Variants in DECR1 observed in about 807,000 individuals in gnomAD.
DECR1 encodes 2,4-dienoyl-CoA reductase [(3E)-enoyl-CoA-producing], mitochondrial.
DECR1 carries 44 observed loss-of-function variants against 38.8 expected under a neutral mutation model. That is an observed-to-expected ratio of 1.13 (90% CI 0.89 to 1.46). DECR1 has a LOEUF of 1.46. Ranked by LOEUF, DECR1 falls within the 40% of genes most tolerant of loss-of-function variation. DECR1 has a pLI of 0.00. For missense variants in DECR1, 428 were observed against 405.5 expected (o/e 1.06, Z -0.48); for synonymous variants, 148 against 135.2 (o/e 1.09, Z -0.66).
At position 90,034,426 on chromosome 8, in the gene DECR1, GTTTA is replaced by G. The variant is rs200975812; in HGVS notation, c.566-2403_566-2400del. ...AGATTACCCTTTTAAGCCTTTATTT[GTTTA>G]TTTATTTATTTGTTTGTTTGTTTAT... On this transcript the variant is annotated intron_variant, in intron 5 of 9. Coordinates refer to ENST00000220764, the MANE Select transcript of DECR1 (RefSeq NM_001359.2). Among the ~76,000 whole-genome samples the G allele has an allele frequency of 1.6e-3, 240 of 151,504 alleles. 4 individuals carry two copies. The highest frequency in any genetic ancestry group is 2.7e-3 in the Admixed American group (41 of 15,238).
At chr8:90,051,389 C>T (rs74837290) in intron 8 of DECR1, among the ~76,000 whole-genome samples, 6,496 of 151,852 alleles carry the variant, frequency 0.043, 283 homozygotes, top group East Asian at 0.19. Flanking sequence ...GGGGACACAG[C>T]CAAACCATAT....
At chr8:90,028,277 T>C (rs1213906593) in intron 5 of DECR1, among the ~76,000 whole-genome samples, 1 of 152,198 alleles carries the variant, frequency 6.6e-6, no homozygotes, top group Non-Finnish European at 1.5e-5. Context: ...GATTTTTTTT[T>C]AGCATCTTAA....
intron 5 of DECR1, among the ~76,000 whole-genome samples, chr8:90,028,492 T>C (rs889421775): frequency 3.3e-5 from 5 of 152,134 alleles, no homozygotes; most frequent in Non-Finnish European, 7.4e-5. Context: ...CATGGATTAC[T>C]TTATACCAGA....
chr8:90,022,699 C>T (rs563538407), intron 5 of DECR1, among the ~76,000 whole-genome samples: 1 of 152,136 alleles, frequency 6.6e-6, no homozygotes, highest in African/African-American at 2.4e-5. Context: ...CTGCCTCTGT[C>T]AGCTCCTCAT....
rs1406408956 is a variant in DECR1, at chr8:90,052,623, C to T, written c.*726C>T. On this transcript the variant is annotated 3_prime_UTR_variant, in exon 10 of 10. Transcript: ENST00000220764. Reference sequence around the variant, plus strand: ...ATGTGATGCCTAAGAGATAGCATGCCATCCCAGCTGTAAAAGAAGAATAGA... The same window carrying T: ...ATGTGATGCCTAAGAGATAGCATGCTATCCCAGCTGTAAAAGAAGAATAGA... Among the ~76,000 whole-genome samples the T allele has an allele frequency of 6.6e-6, 1 of 152,040 alleles. No homozygotes were observed. The highest frequency in any genetic ancestry group is 1.5e-5 in the Non-Finnish European group (1 of 68,008).
rs375403201 is a variant in DECR1 at position 90,051,960 on chromosome 8, A to C, written c.*63A>C. The C allele has an allele frequency of 2.4e-5, 33 of 1,379,222 alleles. No homozygotes were observed. In the African/African-American group the frequency reaches 3.7e-4, roughly 16 times the overall value. 85.4% of individuals were successfully genotyped at this position (1,379,222 alleles called of 1,614,324 possible). ...ATAGAAATGAAACAAATTATCTCTC[A>C]TCTTTTGACTATTTCAAGTCTAATA... On this transcript the variant is annotated 3_prime_UTR_variant, in exon 10 of 10. Transcript: ENST00000220764.
At chr8:90,051,547 T>A in intron 8 of DECR1, 130 bp from the exon 9 acceptor site, 2 of 649,736 alleles carry the variant, frequency 3.1e-6, no homozygotes, top group South Asian at 3.9e-5. Context: ...ATGAGTTTTA[T>A]CTTTAAAATT....
chr8:90,040,288 A>G (rs901075183), intron 6 of DECR1, among the ~76,000 whole-genome samples: 3 of 152,312 alleles, frequency 2.0e-5, no homozygotes, highest in African/African-American at 2.4e-5. Flanking sequence ...AGCAATTTTT[A>G]TGTATGTTCT....
chr8:90,009,502 G>GTT (rs201664183), intron 1 of DECR1, among the ~76,000 whole-genome samples: 97 of 145,896 alleles, frequency 6.6e-4, no homozygotes, highest in African/African-American at 2.0e-3. Context: ...TATTGTGTCT[G>GTT]TTTTTTTTTT....
chr8:90,027,724 G>T (rs966420112), intron 5 of DECR1, among the ~76,000 whole-genome samples: 2 of 151,302 alleles, frequency 1.3e-5, no homozygotes, highest in South Asian at 4.2e-4. Flanking sequence ...TTACATTTAA[G>T]ATTTATATTG....
chr8:90,019,404 TC>T (rs1185334505), intron 4 of DECR1, among the ~76,000 whole-genome samples: 1 of 152,240 alleles, frequency 6.6e-6, no homozygotes, highest in Non-Finnish European at 1.5e-5. Context: ...CTGTGACTGT[TC>T]CTTCAGAGCA....
chr8:90,027,751 T>A (rs1029565025), intron 5 of DECR1, among the ~76,000 whole-genome samples: 1 of 152,036 alleles, frequency 6.6e-6, no homozygotes, highest in Non-Finnish European at 1.5e-5. Context: ...GTGAGTTTGA[T>A]CCTGTGATTA....
chr8:90,011,081 A>G (rs938698021), intron 1 of DECR1, among the ~76,000 whole-genome samples: 4 of 152,242 alleles, frequency 2.6e-5, no homozygotes, highest in African/African-American at 9.6e-5. Flanking sequence ...GTTTTTGTGC[A>G]TATGTCAACA....
intron 1 of DECR1, among the ~76,000 whole-genome samples, chr8:90,010,034 T>G (rs1275021626): frequency 6.6e-6 from 1 of 152,238 alleles, no homozygotes; most frequent in Non-Finnish European, 1.5e-5. Flanking sequence ...ATAATTCAGC[T>G]TAGCCATTGG....
chr8:90,014,419 T>A (rs944359800), intron 1 of DECR1, among the ~76,000 whole-genome samples: 1 of 152,206 alleles, frequency 6.6e-6, no homozygotes. Context: ...ACATATGCTG[T>A]GTATTGTCAG....
At chr8:90,023,902 G>A (rs1445906694) in intron 5 of DECR1, among the ~76,000 whole-genome samples, 1 of 151,428 alleles carries the variant, frequency 6.6e-6, no homozygotes, top group Non-Finnish European at 1.5e-5. Context: ...AGTATGTGGT[G>A]TTCCCCACCC....
chr8:90,050,414 C>T (rs961720864), intron 8 of DECR1, among the ~76,000 whole-genome samples: 3 of 152,140 alleles, frequency 2.0e-5, no homozygotes, highest in African/African-American at 4.8e-5. Context: ...CCAACAGACA[C>T]ATGAAAAAAT....
At chr8:90,005,602 A>C (rs770937619) in intron 1 of DECR1, 1 of 372,602 alleles carries the variant, frequency 2.7e-6, no homozygotes, top group African/African-American at 2.1e-5. Flanking sequence ...CTGGCTCCCA[A>C]AAGGAAGAAG....
intron 1 of DECR1, among the ~76,000 whole-genome samples, chr8:90,016,402 C>T (rs558748436): frequency 3.9e-5 from 6 of 152,022 alleles, no homozygotes; most frequent in African/African-American, 7.2e-5. Context: ...TTTGGGAGGC[C>T]GAGGTGGGCA....
Sources: allele counts gnomAD v4.1 joint callset (sites outside exome capture counted in the v4.1 genomes callset), GRCh38; gene constraint gnomAD v4.1.1; transcripts MANE v1.5; gene names NCBI Gene and HGNC (gene_info 2026-07-23, HGNC 2026-07-21).